PDE3B: variants seen among roughly 807,000 people sequenced by gnomAD.
PDE3B encodes phosphodiesterase 3B.
A neutral mutation model predicts 116.8 loss-of-function variants in PDE3B; 66 were observed. The ratio of observed to expected loss-of-function variants is 0.56; its 90% CI spans 0.46 to 0.69. PDE3B has a LOEUF of 0.69. Among genes scored for constraint, PDE3B ranks in the 30% least tolerant of loss-of-function variants. The probability of loss-of-function intolerance (pLI) is 0.00; values close to 1 mark genes in which losing one functional copy is unlikely to be tolerated. For missense variants in PDE3B, 1,384 were observed against 1,368.1 expected, an observed-to-expected ratio of 1.01 and a Z score of -0.18; for synonymous variants, 595 against 533.6, an observed-to-expected ratio of 1.12 and a Z score of -1.59.
At chr11:14,780,266 A>G (rs981562153) in intron 2 of PDE3B, among the ~76,000 whole-genome samples, 1 of 152,200 alleles carries the variant, frequency 6.6e-6, no homozygotes, top group Non-Finnish European at 1.5e-5. Flanking sequence ...TGAGACAGAA[A>G]GTTCACAAGG....
intron 1 of PDE3B, among the ~76,000 whole-genome samples, chr11:14,694,674 C>T (rs1359362870): frequency 6.6e-6 from 1 of 152,072 alleles, no homozygotes; most frequent in African/African-American, 2.4e-5. Context: ...CACTGGGAAA[C>T]CAAAAAATTC....
At chr11:14,733,694 AAAGT>A (rs1289299650) in intron 1 of PDE3B, among the ~76,000 whole-genome samples, 1 of 152,216 alleles carries the variant, frequency 6.6e-6, no homozygotes, top group Non-Finnish European at 1.5e-5. Flanking sequence ...GTGGGTCTGA[AAAGT>A]AAGCCATTGG....
intron 1 of PDE3B, among the ~76,000 whole-genome samples, chr11:14,705,430 G>T (rs1855500807): frequency 6.6e-6 from 1 of 151,746 alleles, no homozygotes; most frequent in African/African-American, 2.4e-5. Flanking sequence ...TGAGATTTTA[G>T]AAATCAAAAA....
At chr11:14,872,678 G>A (rs574275574), downstream of PDE3B, among the ~76,000 whole-genome samples, 5 of 152,238 alleles carry the variant, frequency 3.3e-5, no homozygotes, top group South Asian at 1.0e-3. Flanking sequence ...GTTATATGTG[G>A]GGGATTGGTT....
chr11:14,852,679 C>G (rs886626160), intron 12 of PDE3B, among the ~76,000 whole-genome samples: 1 of 152,188 alleles, frequency 6.6e-6, no homozygotes, highest in Non-Finnish European at 1.5e-5. Context: ...CTTACCTAGT[C>G]TCCTTGCTTG....
At chr11:14,742,522 G>C (rs1399072051) in intron 1 of PDE3B, among the ~76,000 whole-genome samples, 1 of 152,068 alleles carries the variant, frequency 6.6e-6, no homozygotes, top group African/African-American at 2.4e-5. Flanking sequence ...CTTGCTTTGG[G>C]TTAGGACATG....
At chr11:14,682,934 G>C (rs1165164644) in intron 1 of PDE3B, among the ~76,000 whole-genome samples, 1 of 150,628 alleles carries the variant, frequency 6.6e-6, no homozygotes, top group Non-Finnish European at 1.5e-5. Flanking sequence ...TTGATACATA[G>C]TATTGATTTT....
chr11:14,884,654 A>G, the PDE3B span, among the ~76,000 whole-genome samples: 1 of 152,066 alleles, frequency 6.6e-6, no homozygotes, highest in Non-Finnish European at 1.5e-5. Context: ...CAAATTGTGC[A>G]CCTGTACCCT....
At chr11:14,798,397 T>A (rs1450626131) in intron 4 of PDE3B, among the ~76,000 whole-genome samples, 1 of 152,194 alleles carries the variant, frequency 6.6e-6, no homozygotes, top group Non-Finnish European at 1.5e-5. Context: ...ATTTTCTTTT[T>A]TTGTTGTGTC....
rs1555008322 is a variant in PDE3B at position 14,867,712 on chromosome 11, A to C, written c.3093A>C (p.Glu1031Asp). 2 of 1,612,604 alleles carry C rather than the reference A, an allele frequency of 1.2e-6. No individual in the cohort carries two copies. Among genetic ancestry groups the C allele is most frequent in the Admixed American group, 3.3e-5 (2 of 60,000 alleles). Reference protein sequence around the residue: ...DTESGDDEDGEELDTEDEEME... With the variant: ...DTESGDDEDGDELDTEDEEME... ...AAAGTGGTGATGATGAAGACGGTGA[A>C]GAATTAGATACAGAAGATGAAGAAA... Residue 1031 changes from glutamate to aspartate, a missense_variant, in exon 15 of 16, where the codon GAA (glutamate) becomes GAC (aspartate). Coordinates refer to ENST00000282096, the MANE Select transcript of PDE3B (RefSeq NM_000922.4).
chr11:14,664,288 G>A (rs1332537059), intron 1 of PDE3B, among the ~76,000 whole-genome samples: 1 of 152,132 alleles, frequency 6.6e-6, no homozygotes, highest in African/African-American at 2.4e-5. Context: ...GAAATTTATA[G>A]CAGTAAATGC....
chr11:14,726,101 C>G (rs1856299021), intron 1 of PDE3B, among the ~76,000 whole-genome samples: 1 of 150,798 alleles, frequency 6.6e-6, no homozygotes, highest in Non-Finnish European at 1.5e-5. Flanking sequence ...AATGCTCTTC[C>G]CCCATATTTT....
chr11:14,889,936 G>T, the PDE3B span, among the ~76,000 whole-genome samples: 1 of 152,074 alleles, frequency 6.6e-6, no homozygotes, highest in Non-Finnish European at 1.5e-5. Context: ...AGACCATCCT[G>T]CCTAACCGAG....
At chr11:14,725,720 A>G (rs1856286072) in intron 1 of PDE3B, among the ~76,000 whole-genome samples, 1 of 149,072 alleles carries the variant, frequency 6.7e-6, no homozygotes, top group Non-Finnish European at 1.5e-5. Context: ...GCTCAATATG[A>G]TTACTTCAAT....
chr11:14,726,300 C>T (rs1397418457), intron 1 of PDE3B, among the ~76,000 whole-genome samples: 1 of 151,970 alleles, frequency 6.6e-6, no homozygotes, highest in Non-Finnish European at 1.5e-5. Context: ...ATTATTTTTT[C>T]TTTCCCTCTA....
Position 14,802,505 on chromosome 11 carries a change from C to T in PDE3B, c.1416-1439C>T, listed in dbSNP as rs148748525. 4.5e-3 allele frequency among the ~76,000 whole-genome samples: 690 copies of T among 152,280 alleles called. 3 individuals carry two copies. Among genetic ancestry groups the T allele is most frequent in the African/African-American group, 0.015 (615 of 41,542 alleles). ...CACTGTTCAACCAGTCCCAGTGAGA[C>T]GAACTGGGTACCTCAGTTGGAAATG... On this transcript the variant is annotated intron_variant, in intron 4 of 15. Transcript: ENST00000282096.
intron 1 of PDE3B, chr11:14,674,456 CA>C (rs1205314820): frequency 1.7e-6 from 1 of 602,528 alleles, no homozygotes; most frequent in Non-Finnish European, 3.2e-6. Context: ...TCCTTAATGG[CA>C]ACCTTTACAC....
At chr11:14,660,708 T>C (rs1188092301) in intron 1 of PDE3B, among the ~76,000 whole-genome samples, 1 of 152,184 alleles carries the variant, frequency 6.6e-6, no homozygotes, top group Admixed American at 6.5e-5. Flanking sequence ...TAGGAATAGC[T>C]TCTGAAGTGC....
intron 1 of PDE3B, among the ~76,000 whole-genome samples, chr11:14,694,594 A>T (rs1855148262): frequency 6.6e-6 from 1 of 152,186 alleles, no homozygotes; most frequent in South Asian, 2.1e-4. Context: ...TTAAGACATA[A>T]TGCTACTTAG....
Sources: gnomAD v4.1 joint callset for allele counts (sites outside exome capture counted in the v4.1 genomes callset) on GRCh38, gnomAD v4.1.1 for gene constraint, MANE v1.5 for transcripts, NCBI Gene and HGNC (gene_info 2026-07-23, HGNC 2026-07-21) for gene names.